TRIM65: variants seen among roughly 807,000 people sequenced by gnomAD.
The protein encoded by TRIM65 is E3 ubiquitin-protein ligase TRIM65.
In TRIM65, 46 loss-of-function variants were observed where a neutral mutation model predicts 36.1. The observed-to-expected ratio is 1.27, with a 90% CI of 1.01 to 1.63. TRIM65 has a LOEUF of 1.63. TRIM65 is among the 40% of genes most tolerant of loss of function. The pLI is 0.00. For missense variants in TRIM65, 708 were observed against 696.6 expected, an observed-to-expected ratio of 1.02 and a Z score of -0.18; for synonymous variants, 346 against 313.6, an observed-to-expected ratio of 1.10 and a Z score of -1.09.
rs1402256641 is a variant in TRIM65 at position 75,892,195 on chromosome 17, A to G, written c.745-10T>C. 3 of 1,575,928 alleles carry G rather than the reference A, an allele frequency of 1.9e-6. No homozygotes were observed. Among genetic ancestry groups the G allele is most frequent in the Admixed American group, 3.7e-5 (2 of 53,434 alleles). On this transcript the variant is annotated splice_polypyrimidine_tract_variant and intron_variant, in intron 3 of 5. Coordinates refer to ENST00000269383, the MANE Select transcript of TRIM65 (RefSeq NM_173547.4). ...GGAGGAGCTGCGATTCCTGAGCCCC[A>G]GGGAGAACAAGTAAGCCTGGGCCTG...
At chr17:75,884,620 TTTTG>T (rs1372515023), downstream of TRIM65, among the ~76,000 whole-genome samples, 10 of 152,090 alleles carry the variant, frequency 6.6e-5, no homozygotes, top group Non-Finnish European at 2.9e-5. Context: ...TGCTCTCCTT[TTTTG>T]TTTTTCTTTT....
downstream of TRIM65, among the ~76,000 whole-genome samples, chr17:75,888,410 G>A (rs1301268350): frequency 5.3e-5 from 8 of 150,872 alleles, no homozygotes; most frequent in South Asian, 4.2e-4. Flanking sequence ...GAACACGCTC[G>A]CAGAATATAG....
In TRIM65 at chr17:75,893,784, C is replaced by T. The variant is rs756644649; in HGVS notation, c.415-934G>A. 3.9e-5 allele frequency among the ~76,000 whole-genome samples: 6 copies of T among 152,222 alleles called. No individual in the cohort carries two copies. In the East Asian group the frequency reaches 1.2e-3, roughly 29 times the overall value. On this transcript the variant is annotated intron_variant, in intron 1 of 5. Coordinates refer to ENST00000269383, the MANE Select transcript of TRIM65 (RefSeq NM_173547.4). ...TCTCCCAGGGCACCCAACCCTCCCC[C>T]AGGGACAGGCACCCCCATGTCCCTT...
At chr17:75,882,944 G>A (rs1448733482) in intron 4 of TRIM65, among the ~76,000 whole-genome samples, 1 of 147,206 alleles carries the variant, frequency 6.8e-6, no homozygotes, top group Non-Finnish European at 1.5e-5. Context: ...AGGAGTTTGA[G>A]ACCAGCCTGG....
downstream of TRIM65, among the ~76,000 whole-genome samples, chr17:75,888,447 G>T (rs187127201): frequency 8.2e-4 from 124 of 152,040 alleles, no homozygotes; most frequent in African/African-American, 2.8e-3. Flanking sequence ...ATAGGAAGAT[G>T]AATTTCACAT....
chr17:75,882,646 G>A (rs2065175528), intron 4 of TRIM65, among the ~76,000 whole-genome samples: 1 of 150,714 alleles, frequency 6.6e-6, no homozygotes, highest in Non-Finnish European at 1.5e-5. Flanking sequence ...GTTCACACCT[G>A]CCCTCATTCT....
Position 75,889,227 on chromosome 17 carries a change from T to C in TRIM65, c.*1552A>G, listed in dbSNP as rs1343398096. Reference sequence around the variant, plus strand: ...CACACCACCATGCCCGGCTAATTTTTGTATTTTTAGTAGAGACGGGGTTTT... The same window carrying C: ...CACACCACCATGCCCGGCTAATTTTCGTATTTTTAGTAGAGACGGGGTTTT... On this transcript the variant is annotated 3_prime_UTR_variant, in exon 6 of 6. Coordinates refer to ENST00000269383, the MANE Select transcript of TRIM65 (RefSeq NM_173547.4). The C allele has an allele frequency of 1.3e-5, 2 of 152,138 alleles. No homozygotes were observed. The highest frequency in any genetic ancestry group is 2.9e-5 in the Non-Finnish European group (2 of 68,026). 9.4% of individuals were successfully genotyped at this position (152,138 alleles called of 1,614,324 possible).
downstream of TRIM65, among the ~76,000 whole-genome samples, chr17:75,887,267 A>T (rs1368483715): frequency 2.0e-5 from 3 of 151,556 alleles, no homozygotes; most frequent in Non-Finnish European, 4.4e-5. Flanking sequence ...GGCAGATGAC[A>T]TGGGTCAGGA....
rs2144068538 is a variant in TRIM65, at chr17:75,892,257, G to C, written c.744+10C>G. 1 of 1,607,642 alleles carries C rather than the reference G, an allele frequency of 6.2e-7. No individual in the cohort carries two copies. Among genetic ancestry groups the C allele is most frequent in the South Asian group, 1.1e-5 (1 of 90,156 alleles). On this transcript the variant is annotated intron_variant, in intron 3 of 5. Coordinates refer to ENST00000269383, the MANE Select transcript of TRIM65 (RefSeq NM_173547.4). ...AGCAAGTCCGCCACCTATGCCCTGA[G>C]CCCTCGCACCTGCAGGAAGGTCTGC...
At chr17:75,883,817 G>A (rs555729149) in intron 4 of TRIM65, among the ~76,000 whole-genome samples, 119 of 151,524 alleles carry the variant, frequency 7.9e-4, no homozygotes, top group African/African-American at 2.6e-3. Flanking sequence ...GTGAGCCACC[G>A]CGCCTGGCTT....
rs370111404 is a variant in TRIM65, at chr17:75,890,746, G to A, written c.*33C>T. 178 of 1,426,618 alleles carry A rather than the reference G, an allele frequency of 1.2e-4. No individual in the cohort carries two copies. The highest frequency in any genetic ancestry group is 1.6e-4 in the Non-Finnish European group (169 of 1,088,260). 88.4% of individuals were successfully genotyped at this position (1,426,618 alleles called of 1,614,324 possible). On this transcript the variant is annotated 3_prime_UTR_variant, in exon 6 of 6. Coordinates refer to ENST00000269383, the MANE Select transcript of TRIM65 (RefSeq NM_173547.4). ...AGCTCTTGGGCACATAGGCATGGTG[G>A]CAGCTATGCCAGGGCTCCATCCCAT...
In TRIM65 at chr17:75,890,476, G is replaced by A. The variant is rs76603306; in HGVS notation, c.*303C>T. On this transcript the variant is annotated 3_prime_UTR_variant, in exon 6 of 6. Coordinates refer to ENST00000269383, the MANE Select transcript of TRIM65 (RefSeq NM_173547.4). ...GGTAGATCTGAATTTTGTCACACACGCTGTCCTGTAAGCCCAGAAGTCCCC... is the reference window on the plus strand; with the variant it reads ...GGTAGATCTGAATTTTGTCACACACACTGTCCTGTAAGCCCAGAAGTCCCC... The A allele has an allele frequency of 1.7e-3, 435 of 259,602 alleles. 4 individuals are homozygous for A. Among genetic ancestry groups the A allele is most frequent in the African/African-American group, 9.0e-3 (402 of 44,734 alleles). 16.1% of individuals were successfully genotyped at this position (259,602 alleles called of 1,614,324 possible). A position where few individuals can be genotyped will look rare whatever the true frequency, so the allele number is the denominator to read the frequency against.
chr17:75,892,135 C>T lies in TRIM65; in HGVS notation c.795G>A (p.Leu265=). The T allele has an allele frequency of 6.4e-7, 1 of 1,565,914 alleles. No homozygotes were observed. Among genetic ancestry groups the T allele is most frequent in the African/African-American group, 1.4e-5 (1 of 73,768 alleles). The part of the protein sequence containing the change: ...PPGPLGPLTP[L]QWDEDQQLGD... ...CCAGCTGTTGGTCTTCATCCCACTG[C>T]AGAGGGGTCAGTGGCCCAAGAGGCC... is the stretch of plus-strand genomic sequence containing the variant. Residue 265 remains leucine (L), a synonymous_variant, in exon 4 of 6, where the codon CTG becomes CTA. Coordinates refer to ENST00000269383, the MANE Select transcript of TRIM65 (RefSeq NM_173547.4).
chr17:75,885,997 G>A (rs2065203984), downstream of TRIM65, among the ~76,000 whole-genome samples: 2 of 152,162 alleles, frequency 1.3e-5, no homozygotes, highest in African/African-American at 4.8e-5. Context: ...ATCCCCACGT[G>A]TCGTGGGAGG....
downstream of TRIM65, among the ~76,000 whole-genome samples, chr17:75,879,865 C>G (rs1381709588): frequency 1.3e-5 from 2 of 150,596 alleles, no homozygotes; most frequent in Non-Finnish European, 2.9e-5. Context: ...GCGATTCTCC[C>G]TCCTCGGACT....
Position 75,891,841 on chromosome 17 carries a change from A to G in TRIM65, c.957T>C (p.Val319=), listed in dbSNP as rs1268170483. 2 of 1,612,874 alleles carry G rather than the reference A, an allele frequency of 1.2e-6. No individual in the cohort carries two copies. Among genetic ancestry groups the G allele is most frequent in the African/African-American group, 2.7e-5 (2 of 75,024 alleles). The change falls in exon 5 of 6, where the codon GTT becomes GTC. Residue 319 remains valine, a synonymous_variant. Coordinates refer to ENST00000269383, the MANE Select transcript of TRIM65 (RefSeq NM_173547.4). ...GCCAGAGTTTCCTCCTCAGTGGACAAACTGTGCTTGGGACCGGTGCCAGGG... is the reference window on the plus strand; with the variant it reads ...GCCAGAGTTTCCTCCTCAGTGGACAGACTGTGCTTGGGACCGGTGCCAGGG... ...PGPLAPVPST[V]CPLRRKLWQN... is the part of the protein sequence containing the mutation.
intron 1 of TRIM65, 137 bp from the exon 2 acceptor site, chr17:75,892,987 C>A: frequency 1.4e-6 from 1 of 718,720 alleles, no homozygotes; most frequent in South Asian, 1.7e-5. Context: ...TCCAGAGCAC[C>A]GGCCTCGGTC....
Position 75,892,135 on chromosome 17 carries a change from CA to C in TRIM65, c.794del (p.Leu265ArgfsTer12). Reference sequence around the variant, plus strand: ...CCAGCTGTTGGTCTTCATCCCACTGCAGAGGGGTCAGTGGCCCAAGAGGCCC... The same window carrying C: ...CCAGCTGTTGGTCTTCATCCCACTGCGAGGGGTCAGTGGCCCAAGAGGCCC... ...PPGPLGPLTPLQWDEDQQLGD... is the reference protein window; with the variant it reads ...PPGPLGPLTPXQWDEDQQLGD... On this transcript the variant is annotated frameshift_variant, in exon 4 of 6. Coordinates refer to ENST00000269383, the MANE Select transcript of TRIM65 (RefSeq NM_173547.4). LOFTEE classifies it high-confidence loss of function. The C allele has an allele frequency of 6.4e-7, 1 of 1,565,914 alleles. No homozygotes were observed. Among genetic ancestry groups the C allele is most frequent in the Non-Finnish European group, 8.7e-7 (1 of 1,155,004 alleles).
In TRIM65 at chr17:75,891,941, G is replaced by A. The variant is rs927266259; in HGVS notation, c.920-63C>T. On this transcript the variant is annotated intron_variant, in intron 4 of 5. Transcript: ENST00000269383. ...GGTCACGATGTGTGGGCCCTGACCC[G>A]CCTCCACCCCCCCAGCGGGAGGGGC... 4.5e-5 allele frequency: 71 copies of A among 1,564,526 alleles called. No homozygotes were observed. Among genetic ancestry groups the A allele is most frequent in the South Asian group, 1.2e-4 (10 of 85,744 alleles).
Sources: allele counts gnomAD v4.1 joint callset (sites outside exome capture counted in the v4.1 genomes callset), GRCh38; gene constraint gnomAD v4.1.1; transcripts MANE v1.5; gene names NCBI Gene and HGNC (gene_info 2026-07-23, HGNC 2026-07-21).